The following DLGAP1 variants were observed in gnomAD, a reference collection of about 807,000 sequenced individuals.
DLGAP1 encodes the protein DLG associated protein 1, also known as disks large-associated protein 1.
A neutral mutation model predicts 90.8 loss-of-function variants in DLGAP1; 11 were observed. The ratio of observed to expected loss-of-function variants is 0.12; its 90% CI spans 0.08 to 0.20. The LOEUF (loss-of-function observed/expected upper bound fraction) is 0.20. Among genes scored for constraint, DLGAP1 ranks in the 10% least tolerant of loss-of-function variants. The pLI, the probability that DLGAP1 is intolerant of heterozygous loss-of-function variation, is 1.00. For missense variants in DLGAP1, 1,050 were observed against 1,333.8 expected (o/e 0.79, Z 3.31); for synonymous variants, 558 against 540.7 (o/e 1.03, Z -0.44).
chr18:4,158,529 T>C (rs2076793696), intron 1 of DLGAP1, among the ~76,000 whole-genome samples: 1 of 152,174 alleles, frequency 6.6e-6, no homozygotes, highest in South Asian at 2.1e-4. Flanking sequence ...AAGTATCATA[T>C]AGAGAACTTT....
chr18:4,176,379 A>G (rs2077107435), intron 1 of DLGAP1, among the ~76,000 whole-genome samples: 1 of 152,172 alleles, frequency 6.6e-6, no homozygotes, highest in South Asian at 2.1e-4. Flanking sequence ...ACCTCCACAC[A>G]TCTAAAACCA....
At chr18:3,874,206 T>C in intron 4 of DLGAP1, 2 of 1,550,098 alleles carry the variant, frequency 1.3e-6, no homozygotes, top group South Asian at 2.4e-5. Context: ...AGAAACCCAC[T>C]CAGCCTTAAA....
intron 2 of DLGAP1, among the ~76,000 whole-genome samples, chr18:4,074,759 G>C (rs1344445305): frequency 6.6e-6 from 1 of 152,060 alleles, no homozygotes. Context: ...GTTTTCTGAA[G>C]ACCTCAGATA....
intron 5 of DLGAP1, among the ~76,000 whole-genome samples, chr18:3,792,988 T>A (rs73940224): frequency 0.01 from 1,529 of 152,252 alleles, 23 homozygotes; most frequent in African/African-American, 0.035. Context: ...ATTGAGCCGC[T>A]GGGCCTGTGG....
At chr18:4,362,718 G>T (rs908362189) in intron 1 of DLGAP1, among the ~76,000 whole-genome samples, 2 of 152,100 alleles carry the variant, frequency 1.3e-5, no homozygotes, top group African/African-American at 4.8e-5. Context: ...TGGTAAAAAC[G>T]TTTAAGATAG....
intron 7 of DLGAP1, among the ~76,000 whole-genome samples, chr18:3,621,823 C>G (rs1489390165): frequency 6.6e-6 from 1 of 152,136 alleles, no homozygotes; most frequent in Non-Finnish European, 1.5e-5. Context: ...AAGAAATTAG[C>G]TGGGCATGGT....
chr18:3,796,261 A>T (rs2065986538), intron 5 of DLGAP1, among the ~76,000 whole-genome samples: 1 of 152,178 alleles, frequency 6.6e-6, no homozygotes, highest in South Asian at 2.1e-4. Flanking sequence ...TTTGGAGGGA[A>T]CAACTCTTCT....
chr18:3,698,176 C>G (rs1040877923), intron 7 of DLGAP1, among the ~76,000 whole-genome samples: 12 of 152,108 alleles, frequency 7.9e-5, no homozygotes, highest in African/African-American at 2.9e-4. Flanking sequence ...GGGCATTTAG[C>G]CTGTTCAAAT....
At position 4,412,715 on chromosome 18, in the gene DLGAP1, G is replaced by A. The variant is rs117046630; in HGVS notation, c.-267+42291C>T. 6.4e-4 allele frequency among the ~76,000 whole-genome samples: 98 copies of A among 152,252 alleles called. No individual in the cohort carries two copies. The East Asian group carries it at 0.017, about 27-fold the overall frequency. On this transcript the variant is annotated intron_variant, in intron 1 of 12. Coordinates refer to ENST00000315677, the MANE Select transcript of DLGAP1 (RefSeq NM_004746.4). ...CTAAGGTGGCTCTCTGAAATTTGGA[G>A]GTGGCAATGGTCCAAAGCAAGGCCA...
At position 4,369,385 on chromosome 18, in the gene DLGAP1, C is replaced by A. The variant is rs548691544; in HGVS notation, c.-267+85621G>T. ...CCTTGTCTCCTGCTGACAAGAGATC[C>A]CAAATCTTATCTTCGGATTATAATT... On this transcript the variant is annotated intron_variant, in intron 1 of 12. Coordinates refer to ENST00000315677, the MANE Select transcript of DLGAP1 (RefSeq NM_004746.4). Among the ~76,000 whole-genome samples, 4 of 152,170 alleles carry A rather than the reference C, an allele frequency of 2.6e-5. No homozygotes were observed. The South Asian group carries it at 8.3e-4, about 32-fold the overall frequency.
At chr18:3,699,124 A>G (rs577124690) in intron 7 of DLGAP1, among the ~76,000 whole-genome samples, 2 of 151,772 alleles carry the variant, frequency 1.3e-5, no homozygotes, top group African/African-American at 4.8e-5. Context: ...TTATTACCCA[A>G]CTTCTGAAGC....
At chr18:3,582,947 G>A (rs780131068) in intron 7 of DLGAP1, among the ~76,000 whole-genome samples, 22 of 148,544 alleles carry the variant, frequency 1.5e-4, no homozygotes, top group Non-Finnish European at 2.1e-4. Context: ...ATAGAGAGGA[G>A]GTCTCTCTGT....
chr18:4,289,824 T>G (rs1413027472), intron 1 of DLGAP1, among the ~76,000 whole-genome samples: 2 of 152,182 alleles, frequency 1.3e-5, no homozygotes, highest in East Asian at 3.8e-4. Context: ...TGTACTTATT[T>G]TGAAACCTAG....
At chr18:4,417,881 C>T (rs775437039) in intron 1 of DLGAP1, among the ~76,000 whole-genome samples, 1 of 152,096 alleles carries the variant, frequency 6.6e-6, no homozygotes, top group Non-Finnish European at 1.5e-5. Context: ...GAGAACACTC[C>T]GCTGCTGCCA....
chr18:3,595,998 A>G (rs1430774428), intron 7 of DLGAP1, among the ~76,000 whole-genome samples: 2 of 152,078 alleles, frequency 1.3e-5, no homozygotes, highest in Non-Finnish European at 2.9e-5. Flanking sequence ...ACAGAAGGGG[A>G]AGATTCAGGC....
intron 7 of DLGAP1, among the ~76,000 whole-genome samples, chr18:3,592,725 T>G (rs2056319923): frequency 6.7e-6 from 1 of 149,696 alleles, no homozygotes; most frequent in African/African-American, 2.5e-5. Flanking sequence ...ACGCCTGAAG[T>G]CTCAGCTACT....
intron 2 of DLGAP1, among the ~76,000 whole-genome samples, chr18:4,050,246 C>A (rs1248729285): frequency 6.6e-6 from 1 of 151,972 alleles, no homozygotes; most frequent in African/African-American, 2.4e-5. Flanking sequence ...ATTTTCAGTT[C>A]TCTTTTTGAG....
chr18:3,619,138 A>G (rs1330508864), intron 7 of DLGAP1, among the ~76,000 whole-genome samples: 1 of 152,180 alleles, frequency 6.6e-6, no homozygotes, highest in Non-Finnish European at 1.5e-5. Flanking sequence ...TTGGTCTCCC[A>G]GCTTCCAGAA....
Position 4,254,912 on chromosome 18 carries a change from G to T in DLGAP1, c.-266-103625C>A, listed in dbSNP as rs117782874. 2.6e-5 allele frequency among the ~76,000 whole-genome samples: 4 copies of T among 152,286 alleles called. No homozygotes were observed. The East Asian group carries it at 7.7e-4, about 29-fold the overall frequency. ...GAATCAAGACAGTCTGTAGTAAGGT[G>T]CTAAACTGTATGCAACAGAATGGAG... On this transcript the variant is annotated intron_variant, in intron 1 of 12. Coordinates refer to ENST00000315677, the MANE Select transcript of DLGAP1 (RefSeq NM_004746.4).
Sources: gnomAD v4.1 joint callset for allele counts (sites outside exome capture counted in the v4.1 genomes callset) on GRCh38, gnomAD v4.1.1 for gene constraint, MANE v1.5 for transcripts, NCBI Gene and HGNC (gene_info 2026-07-23, HGNC 2026-07-21) for gene names.